The following PARP15 variants were observed in gnomAD, a reference collection of about 807,000 sequenced individuals.
The protein encoded by PARP15 is protein mono-ADP-ribosyltransferase PARP15.
PARP15 carries 50 observed loss-of-function variants against 62.1 expected under a neutral mutation model. The observed-to-expected ratio is 0.81, with a 90% confidence interval of 0.64 to 1.02. The LOEUF (loss-of-function observed/expected upper bound fraction) is 1.02, where lower values mean the gene tolerates loss of function less well. Among genes scored for constraint, PARP15 ranks in the 50% least tolerant of loss-of-function variants. The probability of loss-of-function intolerance (pLI) is 0.00; values close to 1 mark genes in which losing one functional copy is unlikely to be tolerated. For missense variants in PARP15, 820 were observed against 826.5 expected, an observed-to-expected ratio of 0.99 and a Z score of 0.10; for synonymous variants, 309 against 293.1, an observed-to-expected ratio of 1.05 and a Z score of -0.55.
chr3:122,580,551 A>C (rs1393747321), intron 1 of PARP15, among the ~76,000 whole-genome samples: 9 of 152,198 alleles, frequency 5.9e-5, no homozygotes, highest in Non-Finnish European at 1.3e-4. Context: ...GTGTGTTTAC[A>C]TTGTTGCATA....
intron 6 of PARP15, 99 bp downstream of exon 6, chr3:122,617,263 A>G (rs1559972665): frequency 1.6e-6 from 2 of 1,266,446 alleles, no homozygotes; most frequent in East Asian, 4.7e-5. Flanking sequence ...AGAGTGTTGT[A>G]GAAAATATGT....
At chr3:122,609,386 TC>T (rs1381454613) in intron 2 of PARP15, among the ~76,000 whole-genome samples, 1 of 152,108 alleles carries the variant, frequency 6.6e-6, no homozygotes, top group Non-Finnish European at 1.5e-5. Flanking sequence ...GAAGAAGAGT[TC>T]CCCAAAGAAC....
At chr3:122,603,963 C>T (rs934068682) in intron 1 of PARP15, among the ~76,000 whole-genome samples, 1 of 152,110 alleles carries the variant, frequency 6.6e-6, no homozygotes, top group Non-Finnish European at 1.5e-5. Flanking sequence ...TTGCCTGGAG[C>T]TCTGTGTTGA....
At position 122,626,830 on chromosome 3, in the gene PARP15, A is replaced by G. The variant is rs1936759335; in HGVS notation, c.1235A>G (p.Asn412Ser). The change falls in exon 9 of 12, where the codon AAT becomes AGT. Residue 412 changes from asparagine to serine, a missense_variant. This residue lies in a region of PARP15 where 731 missense variants were observed against 727.7 expected (regional missense o/e 1.00). Coordinates refer to ENST00000464300, the MANE Select transcript of PARP15 (RefSeq NM_001113523.3). Reference protein sequence around the residue: ...SVSLPAIGTGNAGKNPITVAD... With the variant: ...SVSLPAIGTGSAGKNPITVAD... ...TGTCATTAAATTTTTTTTTCAGGAA[A>G]TGCCGGAAAAAACCCTATCACAGTT... 1 of 1,600,642 alleles carries G rather than the reference A, an allele frequency of 6.2e-7. No individual in the cohort carries two copies. The highest frequency in any genetic ancestry group is 1.1e-5 in the South Asian group (1 of 87,622).
intron 4 of PARP15, 83 bp downstream of exon 4, chr3:122,613,351 G>A (rs1256750802): frequency 4.1e-6 from 5 of 1,221,278 alleles, no homozygotes; most frequent in East Asian, 2.5e-5. Context: ...AGGAATAACC[G>A]TGTTTTCTAA....
chr3:122,605,824 C>A, intron 1 of PARP15, 112 bp from the exon 2 acceptor site: 1 of 1,083,410 alleles, frequency 9.2e-7, no homozygotes, highest in Non-Finnish European at 1.3e-6. Flanking sequence ...TCAAGTGATT[C>A]TCCCACCTAG....
At chr3:122,618,049 A>T (rs1936102633) in intron 6 of PARP15, among the ~76,000 whole-genome samples, 1 of 152,300 alleles carries the variant, frequency 6.6e-6, no homozygotes, top group African/African-American at 2.4e-5. Flanking sequence ...ACTTTTGTAT[A>T]TTATAAAATG....
intron 2 of PARP15, among the ~76,000 whole-genome samples, 192 bp downstream of exon 2, chr3:122,606,247 T>C (rs1935152538): frequency 6.6e-6 from 1 of 152,232 alleles, no homozygotes; most frequent in Non-Finnish European, 1.5e-5. Flanking sequence ...TTCTTCCACA[T>C]GTACTCATGT....
At chr3:122,604,870 G>GA (rs577148754) in intron 1 of PARP15, among the ~76,000 whole-genome samples, 4 of 149,038 alleles carry the variant, frequency 2.7e-5, no homozygotes, top group African/African-American at 4.9e-5. Flanking sequence ...AAAAAGAAAA[G>GA]AAAAAAAATA....
At chr3:122,634,583 G>A (rs531387753) in intron 10 of PARP15, among the ~76,000 whole-genome samples, 1 of 152,300 alleles carries the variant, frequency 6.6e-6, no homozygotes, top group South Asian at 2.1e-4. Context: ...CATAATTGGA[G>A]CAATAACAGA....
At chr3:122,579,137 T>A (rs1232964435) in intron 1 of PARP15, among the ~76,000 whole-genome samples, 1 of 152,202 alleles carries the variant, frequency 6.6e-6, no homozygotes. Context: ...TGAAGGAATG[T>A]TTTGAAGCAC....
At chr3:122,598,519 G>A (rs1197740163) in intron 1 of PARP15, among the ~76,000 whole-genome samples, 1 of 152,158 alleles carries the variant, frequency 6.6e-6, no homozygotes, top group Non-Finnish European at 1.5e-5. Context: ...TTCATAAATG[G>A]CAGCTGACTT....
At position 122,615,524 on chromosome 3, in the gene PARP15, C is replaced by A. The variant is rs1280169381; in HGVS notation, c.772-255C>A. The stretch of plus-strand genomic sequence containing the variant: ...AAAGGCATGTGACTTCCTGCAGAGC[C>A]ACAGTCAGCACCCCTGCTGACATAC... On this transcript the variant is annotated intron_variant, in intron 4 of 11. Coordinates refer to ENST00000464300, the MANE Select transcript of PARP15 (RefSeq NM_001113523.3). The A allele has an allele frequency of 3.6e-6, 4 of 1,119,862 alleles. No individual in the cohort carries two copies. The East Asian group carries it at 1.2e-4, about 33-fold the overall frequency. The allele number at this position is 1,119,862 out of a possible 1,614,324, so 69.4% of individuals were successfully genotyped here. A position where few individuals can be genotyped will look rare whatever the true frequency, so the allele number is the denominator to read the frequency against.
intron 7 of PARP15, 29 bp downstream of exon 7, chr3:122,619,872 A>G: frequency 2.5e-6 from 4 of 1,582,936 alleles, no homozygotes; most frequent in Middle Eastern, 1.7e-4. Flanking sequence ...TTTGACTACA[A>G]ACTTGAAAAT....
At chr3:122,583,404 G>C (rs141460380) in intron 1 of PARP15, among the ~76,000 whole-genome samples, 17 of 151,930 alleles carry the variant, frequency 1.1e-4, no homozygotes, top group African/African-American at 4.1e-4. Flanking sequence ...TGGGATTACA[G>C]GCGTGAGCCA....
chr3:122,616,919 G>C, intron 5 of PARP15, 96 bp from the exon 6 acceptor site: 1 of 1,374,772 alleles, frequency 7.3e-7, no homozygotes. Context: ...GGAAAAGAAA[G>C]AGGGCTGAGC....
chr3:122,617,318 A>T (rs546978165), intron 6 of PARP15, among the ~76,000 whole-genome samples, 154 bp downstream of exon 6: 1 of 152,356 alleles, frequency 6.6e-6, no homozygotes, highest in African/African-American at 2.4e-5. Context: ...CAGCTATGCC[A>T]CTTAGCAATG....
chr3:122,623,136 G>C (rs761548954), intron 8 of PARP15, among the ~76,000 whole-genome samples: 4 of 152,186 alleles, frequency 2.6e-5, no homozygotes, highest in Non-Finnish European at 5.9e-5. Flanking sequence ...AAGCCAGGGG[G>C]AACGTGCTGC....
chr3:122,591,097 A>T (rs1933873856), intron 1 of PARP15, among the ~76,000 whole-genome samples: 1 of 152,378 alleles, frequency 6.6e-6, no homozygotes, highest in East Asian at 1.9e-4. Flanking sequence ...CAATGAGTCA[A>T]ATCTATATTC....
Sources: allele counts gnomAD v4.1 joint callset (sites outside exome capture counted in the v4.1 genomes callset), GRCh38; gene constraint gnomAD v4.1.1; regional missense constraint gnomAD v4.1.1; transcripts MANE v1.5; gene names NCBI Gene and HGNC (gene_info 2026-07-23, HGNC 2026-07-21).